The following LMF1 variants were observed in gnomAD, a reference collection of about 807,000 sequenced individuals.
The protein encoded by LMF1 is transmembrane protein 112.
LMF1 carries 68 observed loss-of-function variants against 60.6 expected under a neutral mutation model. The ratio of observed to expected loss-of-function variants is 1.12; its 90% CI spans 0.92 to 1.37. LMF1 has a LOEUF of 1.37. LMF1 is among the 40% of genes most tolerant of loss of function. LMF1 has a pLI of 0.00. For synonymous variants in LMF1, 418 were observed against 324.7 expected (o/e 1.29, Z -3.09); for missense variants, 948 against 767.2 (o/e 1.24, Z -2.78).
intron 1 of LMF1, among the ~76,000 whole-genome samples, chr16:967,967 G>C (rs2072959999): frequency 6.6e-6 from 1 of 152,228 alleles, no homozygotes; most frequent in Non-Finnish European, 1.5e-5. Flanking sequence ...AGGAAGACAG[G>C]TGTGTCTTCA....
chr16:936,836 C>T (rs377374468), intron 2 of LMF1, among the ~76,000 whole-genome samples: 13 of 152,142 alleles, frequency 8.5e-5, no homozygotes, highest in African/African-American at 2.2e-4. Flanking sequence ...GGTGTGGTGG[C>T]GCACACCTGT....
chr16:963,791 T>C (rs922888097), intron 1 of LMF1, among the ~76,000 whole-genome samples: 2 of 152,102 alleles, frequency 1.3e-5, no homozygotes, highest in Non-Finnish European at 2.9e-5. Context: ...GCAAGAAGCA[T>C]AGGATGCTTC....
At chr16:858,371 ACGGGTGTGAGTGGTGTCT>A (rs2069280271) in intron 10 of LMF1, among the ~76,000 whole-genome samples, 1 of 47,434 alleles carries the variant, frequency 2.1e-5, no homozygotes, top group African/African-American at 1.4e-4. Context: ...GTGTCTCGGG[ACGGGTGTGAGTGGTGTCT>A]CGGGACGGGT....
At position 869,917 on chromosome 16, in the gene LMF1, C is replaced by A. The variant is rs557053661; in HGVS notation, c.1382G>T (p.Arg461Leu). The A allele has an allele frequency of 2.5e-6, 4 of 1,613,118 alleles. No homozygotes were observed. The highest frequency in any genetic ancestry group is 4.5e-5 in the East Asian group (2 of 44,872). The change falls in exon 9 of 11, where the codon CGC (arginine) becomes CTC (leucine). Residue 461 changes from arginine to leucine, a missense_variant. Arg to Leu is a moderately radical substitution (Grantham distance 102). Transcript: ENST00000262301. ...CGCGAACCACATCAGCCAGTCCAGG[C>A]GGTAGTGGTACGGGGAGATGAGGCA... The part of the protein sequence containing the change: ...RPCLISPYHY[R>L]LDWLMWFAAF...
At chr16:979,282 G>A in intron 1 of LMF1, 1 of 360,670 alleles carries the variant, frequency 2.8e-6, no homozygotes, top group Non-Finnish European at 5.5e-6. Context: ...CTCTGGAAGG[G>A]GGGTTTGTGG....
At chr16:981,345 AGAGTGTGTGTGTGTGTGTGTGTGTGTGT>A (rs2073368045), upstream of LMF1, 1 of 187,128 alleles carries the variant, frequency 5.3e-6, no homozygotes, top group Non-Finnish European at 1.0e-5. Context: ...AGAGAGAGAG[AGAGTGTGTGTGTGTGTGTGTGTGTGTGT>A]GTGTGTGTGT....
intron 10 of LMF1, chr16:856,173 G>A: frequency 2.8e-6 from 1 of 359,050 alleles, no homozygotes; most frequent in Non-Finnish European, 5.5e-6. Flanking sequence ...TCCACTCCAG[G>A]AGGGCACTGC....
At chr16:930,506 T>C (rs900859498) in intron 3 of LMF1, among the ~76,000 whole-genome samples, 2 of 151,560 alleles carry the variant, frequency 1.3e-5, no homozygotes, top group African/African-American at 2.4e-5. Flanking sequence ...GGAGCTGAGA[T>C]TGCACCACTG....
At chr16:942,142 T>C (rs1597041038) in intron 2 of LMF1, among the ~76,000 whole-genome samples, 1 of 152,220 alleles carries the variant, frequency 6.6e-6, no homozygotes, top group East Asian at 1.9e-4. Flanking sequence ...AAAATGTCTT[T>C]ATTTTGCTTT....
intron 2 of LMF1, among the ~76,000 whole-genome samples, chr16:943,197 C>G (rs931222420): frequency 2.0e-5 from 3 of 150,116 alleles, no homozygotes; most frequent in Non-Finnish European, 4.4e-5. Flanking sequence ...CGGTGAAACC[C>G]TGTCTCTACT....
intron 4 of LMF1, chr16:900,616 TCTC>T (rs1437683505): frequency 1.3e-5 from 2 of 152,272 alleles, no homozygotes; most frequent in African/African-American, 2.4e-5. Flanking sequence ...TTCAAGCAAT[TCTC>T]CTGCCTCAGC....
chr16:863,316 A>G (rs2069523020), intron 10 of LMF1, among the ~76,000 whole-genome samples: 6 of 152,144 alleles, frequency 3.9e-5, no homozygotes, highest in Admixed American at 3.9e-4. Context: ...AAGTTTTTGT[A>G]TTTTTAGTAG....
chr16:929,280 G>A lies in LMF1; in HGVS notation c.514+4964C>T, dbSNP rs942925817. ...TTCAACCTCACCAAACTCTGCAGAC[G>A]GGAGCCCCTTCCCAGAGCCCGCTCT... On this transcript the variant is annotated intron_variant, in intron 3 of 10. Coordinates refer to ENST00000262301, the MANE Select transcript of LMF1 (RefSeq NM_022773.4). Among the ~76,000 whole-genome samples, 5 of 152,188 alleles carry A rather than the reference G, an allele frequency of 3.3e-5. No individual in the cohort carries two copies. In the East Asian group the frequency reaches 7.7e-4, roughly 24 times the overall value.
chr16:934,040 G>A (rs1002856649), intron 3 of LMF1: 25 of 1,507,084 alleles, frequency 1.7e-5, no homozygotes, highest in Middle Eastern at 2.2e-4. Flanking sequence ...CTAGGTGCCC[G>A]GGGCCTGGAA....
intron 3 of LMF1, among the ~76,000 whole-genome samples, chr16:923,160 G>A (rs1016948149): frequency 6.6e-6 from 1 of 152,176 alleles, no homozygotes; most frequent in African/African-American, 2.4e-5. Flanking sequence ...GCAAAGGCCT[G>A]TCTTCAGGTG....
intron 5 of LMF1, among the ~76,000 whole-genome samples, chr16:889,381 C>CGGATGGCCGTGGGTGTGAGGCTGT (rs568965438): frequency 6.8e-5 from 10 of 147,694 alleles, no homozygotes; most frequent in Admixed American, 2.0e-4. Context: ...TGTGAGGCTG[C>CGGATGGCCGTGGGTGTGAGGCTGT]GGATGGCCGT....
At chr16:942,445 T>C (rs1363352065) in intron 2 of LMF1, among the ~76,000 whole-genome samples, 1 of 152,274 alleles carries the variant, frequency 6.6e-6, no homozygotes, top group East Asian at 1.9e-4. Flanking sequence ...AGCTATTATT[T>C]CTTTAAATAC....
chr16:885,409 G>T (rs1479757343), intron 5 of LMF1, among the ~76,000 whole-genome samples: 1 of 152,178 alleles, frequency 6.6e-6, no homozygotes. Flanking sequence ...TGCATTGGAT[G>T]CAAACGGCCC....
At chr16:949,445 CAG>C (rs529787624) in intron 2 of LMF1, among the ~76,000 whole-genome samples, 62 of 148,342 alleles carry the variant, frequency 4.2e-4, no homozygotes, top group African/African-American at 1.4e-3. Flanking sequence ...AGGCCAACGA[CAG>C]AGTCAGCCAA....
Sources: allele counts gnomAD v4.1 joint callset (sites outside exome capture counted in the v4.1 genomes callset), GRCh38; gene constraint gnomAD v4.1.1; transcripts MANE v1.5; gene names NCBI Gene and HGNC (gene_info 2026-07-23, HGNC 2026-07-21).